The following MARK4 variants were observed in gnomAD, a reference collection of about 807,000 sequenced individuals.
MARK4 encodes MAP/microtubule affinity-regulating kinase 4.
Under a neutral mutation model 81.5 loss-of-function variants are expected in MARK4, and 19 were observed. The ratio of observed to expected loss-of-function variants is 0.23; its 90% CI spans 0.16 to 0.34. The LOEUF (loss-of-function observed/expected upper bound fraction) is 0.34. Among genes scored for constraint, MARK4 ranks in the 10% least tolerant of loss-of-function variants. MARK4 has a pLI of 1.00. For missense variants in MARK4, 772 were observed against 1,058.8 expected (o/e 0.73, Z 3.76); for synonymous variants, 436 against 439.0 (o/e 0.99, Z 0.08).
At chr19:45,262,553 C>T (rs1196287616) in intron 2 of MARK4, among the ~76,000 whole-genome samples, 2 of 152,202 alleles carry the variant, frequency 1.3e-5, no homozygotes, top group Non-Finnish European at 2.9e-5. Flanking sequence ...CTTCATTGCC[C>T]TCACAAAGGG....
In MARK4 at chr19:45,291,110, A is replaced by G. The variant is rs147638536; in HGVS notation, c.1495-3239A>G. ...CAGCCCCGAGACCTGGAGCTTCACA[A>G]TGCAGCCTCTGAGGCCCGTGTGTCA... On this transcript the variant is annotated intron_variant, in intron 13 of 16. Coordinates refer to ENST00000262891, the MANE Select transcript of MARK4 (RefSeq NM_001199867.2). Among the ~76,000 whole-genome samples the G allele has an allele frequency of 9.6e-3, 1,458 of 152,306 alleles. 23 individuals are homozygous for G. The highest frequency in any genetic ancestry group is 0.033 in the African/African-American group (1,377 of 41,558).
At position 45,292,597 on chromosome 19, in the gene MARK4, C is replaced by T. The variant is rs578104422; in HGVS notation, c.1495-1752C>T. ...TAAACCTCAAAGAAAGTAGAAGGGA[C>T]CGGAATTGGTGGCTCATGCCTGTAA... On this transcript the variant is annotated intron_variant, in intron 13 of 16. Transcript: ENST00000262891. Among the ~76,000 whole-genome samples the T allele has an allele frequency of 2.0e-5, 3 of 152,228 alleles. No individual in the cohort carries two copies. In the East Asian group the frequency reaches 5.8e-4, roughly 29 times the overall value.
At chr19:45,255,362 A>G (rs939343699) in intron 1 of MARK4, among the ~76,000 whole-genome samples, 1 of 152,064 alleles carries the variant, frequency 6.6e-6, no homozygotes, top group African/African-American at 2.4e-5. Context: ...GGAGTTCAAG[A>G]CCAGCCTGGC....
intron 1 of MARK4, among the ~76,000 whole-genome samples, chr19:45,253,052 A>G (rs345418): frequency 1.2e-3 from 186 of 150,032 alleles, no homozygotes; most frequent in African/African-American, 4.0e-3. Context: ...GTCTCTGATC[A>G]CTGATCACTT....
chr19:45,258,130 C>T (rs1970333195), intron 1 of MARK4, among the ~76,000 whole-genome samples: 6 of 151,872 alleles, frequency 4.0e-5, no homozygotes, highest in Admixed American at 2.0e-4. Context: ...GGATTACAGG[C>T]GTGTGCCAAT....
At chr19:45,263,088 CCCT>C (rs769371433) in intron 2 of MARK4, 22 bp from the exon 3 acceptor site, 4 of 1,593,900 alleles carry the variant, frequency 2.5e-6, no homozygotes, top group African/African-American at 2.7e-5. Flanking sequence ...CCTTGACCGT[CCCT>C]CCTCCTTTCC....
At chr19:45,278,984 C>T (rs912825624) in intron 10 of MARK4, among the ~76,000 whole-genome samples, 2 of 151,970 alleles carry the variant, frequency 1.3e-5, no homozygotes, top group African/African-American at 4.8e-5. Context: ...TTTGGGAGGT[C>T]GAGGTAGAAG....
chr19:45,300,874 C>T (rs1049589011), intron 16 of MARK4, among the ~76,000 whole-genome samples: 6 of 152,004 alleles, frequency 3.9e-5, no homozygotes, highest in South Asian at 4.2e-4. Context: ...GCACAGTGGC[C>T]GGGAAGTAGA....
chr19:45,278,193 C>T (rs1442184305), intron 9 of MARK4, 151 bp downstream of exon 9: 3 of 1,179,352 alleles, frequency 2.5e-6, no homozygotes, highest in African/African-American at 1.5e-5. Flanking sequence ...GTAGACAGGC[C>T]GTCCAGGGAA....
intron 1 of MARK4, among the ~76,000 whole-genome samples, chr19:45,252,448 C>T (rs1970256147): frequency 6.6e-6 from 1 of 152,092 alleles, no homozygotes; most frequent in Non-Finnish European, 1.5e-5. Flanking sequence ...AGGCCTCATC[C>T]GCCCTCTATC....
chr19:45,266,529 A>C (rs1040012002), intron 7 of MARK4, among the ~76,000 whole-genome samples: 1 of 151,998 alleles, frequency 6.6e-6, no homozygotes, highest in African/African-American at 2.4e-5. Flanking sequence ...AGGGAGAAAC[A>C]AAGTGTCCCA....
Position 45,297,728 on chromosome 19 carries a change from C to G in MARK4, c.1651C>G (p.Pro551Ala), listed in dbSNP as rs778304169. ...PASPSSHSLAPPSGERSRLAR... is the reference protein window; with the variant it reads ...PASPSSHSLAAPSGERSRLAR... Reference sequence around the variant, plus strand: ...CTCCCCCTCCAGTCACAGCCTGGCACCCCCATCAGGGGAGCGGAGCCGCCT... The same window carrying G: ...CTCCCCCTCCAGTCACAGCCTGGCAGCCCCATCAGGGGAGCGGAGCCGCCT... Residue 551 changes from proline to alanine, a missense_variant, in exon 15 of 17, where the codon CCC becomes GCC. Pro to Ala is a conservative substitution (Grantham distance 27). Transcript: ENST00000262891. The G allele has an allele frequency of 1.3e-6, 2 of 1,563,190 alleles. No homozygotes were observed. Among genetic ancestry groups the G allele is most frequent in the Non-Finnish European group, 1.7e-6 (2 of 1,158,804 alleles).
intron 16 of MARK4, among the ~76,000 whole-genome samples, chr19:45,300,494 C>T (rs949376418): frequency 2.0e-5 from 3 of 152,068 alleles, no homozygotes; most frequent in African/African-American, 4.8e-5. Context: ...AACATCTGTA[C>T]GGACCCAGAT....
chr19:45,297,997 C>A lies in MARK4; in HGVS notation c.1877+43C>A, dbSNP rs1296852557. 3.2e-6 allele frequency: 5 copies of A among 1,547,060 alleles called. No homozygotes were observed. The African/African-American group carries it at 5.5e-5, about 17-fold the overall frequency. ...GGCAGGGGCAGGGCGGGGCGGGGGG[C>A]CGATGGGACCTAACCTGTCTTCCAC... On this transcript the variant is annotated intron_variant, in intron 15 of 16. Transcript: ENST00000262891.
chr19:45,259,625 A>G (rs1970355116), intron 2 of MARK4, among the ~76,000 whole-genome samples: 1 of 151,784 alleles, frequency 6.6e-6, no homozygotes, highest in Non-Finnish European at 1.5e-5. Flanking sequence ...TTTTTTAAAA[A>G]TTAGCTGGGT....
At chr19:45,272,222 C>T (rs1970537845) in intron 8 of MARK4, among the ~76,000 whole-genome samples, 1 of 152,140 alleles carries the variant, frequency 6.6e-6, no homozygotes, top group African/African-American at 2.4e-5. Context: ...GTCCCAGCTA[C>T]TTGGGAGGCT....
In MARK4 at chr19:45,251,341, C is replaced by A. The variant is rs1450746317; in HGVS notation, c.-248C>A. Reference sequence around the variant, plus strand: ...CCGGCTCCGCGCCCCCTCCGCGGCCCCCGCCCGCCCGCCTGCCCGCCGCCC... The same window carrying A: ...CCGGCTCCGCGCCCCCTCCGCGGCCACCGCCCGCCCGCCTGCCCGCCGCCC... On this transcript the variant is annotated 5_prime_UTR_variant, in exon 1 of 17. Transcript: ENST00000262891. 6.7e-6 allele frequency: 1 copy of A among 148,784 alleles called. No individual in the cohort carries two copies. Among genetic ancestry groups the A allele is most frequent in the Admixed American group, 6.7e-5 (1 of 14,906 alleles). 9.2% of individuals were successfully genotyped at this position (148,784 alleles called of 1,614,324 possible). A position where few individuals can be genotyped will look rare whatever the true frequency, so the allele number is the denominator to read the frequency against.
chr19:45,261,300 T>A (rs1345303342), intron 2 of MARK4, among the ~76,000 whole-genome samples: 5 of 152,086 alleles, frequency 3.3e-5, no homozygotes. Context: ...TATAAAAATC[T>A]TATACAAAAT....
chr19:45,279,709 TAACTA>T (rs1970646988), intron 10 of MARK4, among the ~76,000 whole-genome samples: 1 of 152,198 alleles, frequency 6.6e-6, no homozygotes, highest in Non-Finnish European at 1.5e-5. Flanking sequence ...TTCTGCCACA[TAACTA>T]AAATGAATAG....
Sources: gnomAD v4.1 joint callset for allele counts (sites outside exome capture counted in the v4.1 genomes callset) on GRCh38, gnomAD v4.1.1 for gene constraint, MANE v1.5 for transcripts, NCBI Gene and HGNC (gene_info 2026-07-23, HGNC 2026-07-21) for gene names.